The following ZNF804B variants were observed in gnomAD, a reference collection of about 807,000 sequenced individuals.
ZNF804B encodes the protein zinc finger protein 804B, also known as zinc finger 804B.
Under a neutral mutation model 101.4 loss-of-function variants are expected in ZNF804B, and 80 were observed. The observed-to-expected ratio is 0.79, with a 90% CI of 0.66 to 0.95. The LOEUF (loss-of-function observed/expected upper bound fraction) is 0.95. ZNF804B is among the 40% of genes least tolerant of loss of function. The probability of loss-of-function intolerance (pLI) is 0.00; values close to 1 mark genes in which losing one functional copy is unlikely to be tolerated. For missense variants in ZNF804B, 1,673 were observed against 1,561.9 expected, an observed-to-expected ratio of 1.07 and a Z score of -1.20; for synonymous variants, 622 against 558.8, an observed-to-expected ratio of 1.11 and a Z score of -1.59.
At chr7:89,071,831 A>T (rs903351932) in intron 1 of ZNF804B, among the ~76,000 whole-genome samples, 1 of 150,248 alleles carries the variant, frequency 6.7e-6, no homozygotes, top group Non-Finnish European at 1.5e-5. Flanking sequence ...AAAACATAAC[A>T]TGGCATCCTA....
At chr7:88,905,551 G>A (rs1792457172) in intron 1 of ZNF804B, among the ~76,000 whole-genome samples, 1 of 152,010 alleles carries the variant, frequency 6.6e-6, no homozygotes, top group Non-Finnish European at 1.5e-5. Context: ...TAGAGATGGG[G>A]TTTCACCATG....
At chr7:89,064,443 T>C (rs1306974878) in intron 1 of ZNF804B, among the ~76,000 whole-genome samples, 2 of 152,066 alleles carry the variant, frequency 1.3e-5, no homozygotes, top group Non-Finnish European at 2.9e-5. Flanking sequence ...ACAACTCAAA[T>C]TGGCTTATAT....
At chr7:88,804,605 T>G (rs1790656773) in intron 1 of ZNF804B, among the ~76,000 whole-genome samples, 1 of 146,994 alleles carries the variant, frequency 6.8e-6, no homozygotes, top group Non-Finnish European at 1.5e-5. Context: ...TTTGAATTTA[T>G]TTTTTTATGA....
intron 1 of ZNF804B, among the ~76,000 whole-genome samples, chr7:88,887,124 G>A (rs1792139155): frequency 6.6e-6 from 1 of 152,098 alleles, no homozygotes; most frequent in Admixed American, 6.6e-5. Context: ...AGATTGCGGA[G>A]ACAAGGGAAC....
chr7:88,898,795 G>A (rs1792346900), intron 1 of ZNF804B, among the ~76,000 whole-genome samples: 1 of 152,172 alleles, frequency 6.6e-6, no homozygotes, highest in African/African-American at 2.4e-5. Flanking sequence ...CTGCAGTGAT[G>A]CTATTACTGG....
At chr7:88,816,273 A>G (rs953553811) in intron 1 of ZNF804B, among the ~76,000 whole-genome samples, 2 of 152,130 alleles carry the variant, frequency 1.3e-5, no homozygotes, top group African/African-American at 4.8e-5. Context: ...TAAAACCATA[A>G]AAGCTGCAGA....
chr7:88,981,561 C>T (rs1793695447), intron 1 of ZNF804B, among the ~76,000 whole-genome samples: 3 of 152,026 alleles, frequency 2.0e-5, no homozygotes, highest in African/African-American at 7.2e-5. Context: ...CAGCATAGCA[C>T]CAGGACTGCA....
chr7:88,940,213 A>G (rs1333758224), intron 1 of ZNF804B, among the ~76,000 whole-genome samples: 1 of 152,016 alleles, frequency 6.6e-6, no homozygotes, highest in East Asian at 1.9e-4. Flanking sequence ...ACTGAGAAAC[A>G]TACTTCCAAG....
Position 89,096,740 on chromosome 7 carries a change from C to A in ZNF804B, c.109-121415C>A, listed in dbSNP as rs182926514. ...TTTTGAACATGGGCTTTCTGTTGCA[C>A]TCCTCATCGAAGTAATTTTCATTAT... On this transcript the variant is annotated intron_variant, in intron 1 of 3. Coordinates refer to ENST00000333190, the MANE Select transcript of ZNF804B (RefSeq NM_181646.5). 2.9e-3 allele frequency among the ~76,000 whole-genome samples: 445 copies of A among 152,290 alleles called. 1 individual carries two copies. The highest frequency in any genetic ancestry group is 4.9e-3 in the Non-Finnish European group (332 of 68,026).
At chr7:88,944,898 G>A (rs1793104633) in intron 1 of ZNF804B, among the ~76,000 whole-genome samples, 1 of 151,800 alleles carries the variant, frequency 6.6e-6, no homozygotes, top group Non-Finnish European at 1.5e-5. Context: ...TTACCTTTGG[G>A]CTATGTGTGT....
At position 88,907,589 on chromosome 7, in the gene ZNF804B, A is replaced by G. The variant is rs1051681953; in HGVS notation, c.108+147505A>G. Reference sequence around the variant, plus strand: ...TGAGTGAGGTACTATTACTATGACCATTTTGTAGATGATGAAACTGAAGCA... The same window carrying G: ...TGAGTGAGGTACTATTACTATGACCGTTTTGTAGATGATGAAACTGAAGCA... On this transcript the variant is annotated intron_variant, in intron 1 of 3. Coordinates refer to ENST00000333190, the MANE Select transcript of ZNF804B (RefSeq NM_181646.5). 2.6e-5 allele frequency among the ~76,000 whole-genome samples: 4 copies of G among 151,990 alleles called. No homozygotes were observed. In the East Asian group the frequency reaches 7.7e-4, roughly 29 times the overall value.
intron 1 of ZNF804B, among the ~76,000 whole-genome samples, chr7:88,865,456 C>T (rs1314552959): frequency 1.3e-5 from 2 of 152,134 alleles, no homozygotes; most frequent in East Asian, 3.9e-4. Context: ...TGCTTGAGCC[C>T]AAGAGGTCAA....
At chr7:88,936,876 G>A (rs564392586) in intron 1 of ZNF804B, among the ~76,000 whole-genome samples, 10 of 152,080 alleles carry the variant, frequency 6.6e-5, no homozygotes, top group East Asian at 3.9e-4. Context: ...TCAGCATGCC[G>A]AAGCACCATA....
At chr7:89,046,830 A>G (rs1199099974) in intron 1 of ZNF804B, among the ~76,000 whole-genome samples, 2 of 152,024 alleles carry the variant, frequency 1.3e-5, no homozygotes, top group Non-Finnish European at 2.9e-5. Context: ...ATTCTGATGC[A>G]AGTATACCCA....
At chr7:89,100,899 T>TA (rs950661220) in intron 1 of ZNF804B, among the ~76,000 whole-genome samples, 10 of 151,976 alleles carry the variant, frequency 6.6e-5, no homozygotes, top group African/African-American at 2.4e-4. Flanking sequence ...AACCATAATA[T>TA]AAAAATGAAG....
intron 1 of ZNF804B, among the ~76,000 whole-genome samples, chr7:89,070,069 G>A (rs1399834891): frequency 6.6e-6 from 1 of 152,146 alleles, no homozygotes; most frequent in African/African-American, 2.4e-5. Flanking sequence ...CTGCCAAAGT[G>A]TGTTTTCAAA....
At chr7:89,055,289 A>G (rs369742321) in intron 1 of ZNF804B, among the ~76,000 whole-genome samples, 113 of 152,262 alleles carry the variant, frequency 7.4e-4, no homozygotes, top group Non-Finnish European at 1.3e-3. Flanking sequence ...GAAGACAAGA[A>G]TGGTAGAAAG....
intron 1 of ZNF804B, among the ~76,000 whole-genome samples, chr7:88,848,632 T>A (rs1305747984): frequency 2.0e-5 from 3 of 151,658 alleles, no homozygotes; most frequent in African/African-American, 7.3e-5. Context: ...TTTTTTTTTT[T>A]TTTTTTTAAA....
chr7:88,809,353 AT>A (rs1562799804), intron 1 of ZNF804B, among the ~76,000 whole-genome samples: 55 of 149,720 alleles, frequency 3.7e-4, no homozygotes, highest in African/African-American at 1.1e-3. Flanking sequence ...CTATCTATCT[AT>A]CTACCTATCT....
Sources: allele counts gnomAD v4.1 joint callset (sites outside exome capture counted in the v4.1 genomes callset), GRCh38; gene constraint gnomAD v4.1.1; transcripts MANE v1.5; gene names NCBI Gene and HGNC (gene_info 2026-07-23, HGNC 2026-07-21).